The following SPTBN5 variants were observed in gnomAD, a reference collection of about 807,000 sequenced individuals.
The protein encoded by SPTBN5 is spectrin beta chain, non-erythrocytic 5.
SPTBN5 carries 513 observed loss-of-function variants against 477.6 expected under a neutral mutation model. That is an observed-to-expected ratio of 1.07 (90% confidence interval 1.00 to 1.16). SPTBN5 has a LOEUF of 1.16. Ranked by LOEUF, SPTBN5 falls within the 50% of genes most tolerant of loss-of-function variation. The pLI is 0.00. For missense variants in SPTBN5, 5,062 were observed against 4,731.8 expected, an observed-to-expected ratio of 1.07 and a Z score of -2.05; for synonymous variants, 2,169 against 2,011.7, an observed-to-expected ratio of 1.08 and a Z score of -2.09.
intron 18 of SPTBN5, 82 bp downstream of exon 18, chr15:41,877,034 C>G (rs1267297347): frequency 1.9e-6 from 3 of 1,593,192 alleles, no homozygotes; most frequent in Non-Finnish European, 2.6e-6. Context: ...GCCTCCTGCC[C>G]AGCCTGGCTT....
chr15:41,892,495 C>G (rs1231084206), intron 3 of SPTBN5, among the ~76,000 whole-genome samples: 1 of 152,194 alleles, frequency 6.6e-6, no homozygotes, highest in Non-Finnish European at 1.5e-5. Context: ...GTCTTAGTCC[C>G]ACATCTGGGC....
At position 41,862,200 on chromosome 15, in the gene SPTBN5, A is replaced by G; in HGVS notation, c.7478T>C (p.Met2493Thr). The G allele has an allele frequency of 1.2e-6, 2 of 1,611,152 alleles. No individual in the cohort carries two copies. Among genetic ancestry groups the G allele is most frequent in the South Asian group, 2.2e-5 (2 of 90,898 alleles). The part of the protein sequence containing the change: ...LVSAQRLRAQ[M>T]DTSPAPRSPV... The stretch of plus-strand genomic sequence containing the variant: ...GCTGCGAGGAGCGGGGCTCGTGTCC[A>G]TCTGAGCCCGCAGCCTCTGGGCGCT... Residue 2493 changes from methionine to threonine, a missense_variant, in exon 44 of 68, where the codon ATG becomes ACG. Physicochemically the swap from Met to Thr is moderately conservative, Grantham distance 81. Transcript: ENST00000320955.
chr15:41,850,518 C>G (rs1256593938), intron 66 of SPTBN5: 2 of 325,254 alleles, frequency 6.1e-6, no homozygotes, highest in Non-Finnish European at 1.1e-5. Flanking sequence ...AGAACAGAGC[C>G]TGGAAAGCCC....
chr15:41,885,149 G>A (rs1350387294), intron 7 of SPTBN5, among the ~76,000 whole-genome samples: 1 of 151,972 alleles, frequency 6.6e-6, no homozygotes, highest in Non-Finnish European at 1.5e-5. Context: ...TCAGCCTCCC[G>A]AGTAGCTGAG....
rs141589783 is a variant in SPTBN5, at chr15:41,855,524, C to A, written c.9218+25G>T. On this transcript the variant is annotated intron_variant, in intron 54 of 67. Transcript: ENST00000320955. ...TGTAGGGGGCTTCTCTCTGCTCCTT[C>A]GCGGATGGTGTGGCTTCCGCCCACC... is the stretch of plus-strand genomic sequence containing the variant. 167 of 1,603,878 alleles carry A rather than the reference C, an allele frequency of 1.0e-4. No homozygotes were observed. The East Asian group carries it at 3.7e-3, about 35-fold the overall frequency.
chr15:41,892,962 T>G lies in SPTBN5; in HGVS notation c.316A>C (p.Ser106Arg), dbSNP rs2067358556. 1 of 1,609,158 alleles carries G rather than the reference T, an allele frequency of 6.2e-7. No homozygotes were observed. The highest frequency in any genetic ancestry group is 1.7e-5 in the Admixed American group (1 of 60,002). Residue 106 changes from serine (S) to arginine (R), a missense_variant, in exon 3 of 68, where the codon AGC becomes CGC. Transcript: ENST00000320955. The stretch of plus-strand genomic sequence containing the variant: ...AAGTGCACACGCAGGCGGCCCCGGC[T>G]CGGGGGTGGCAGGGCCTCCCCTGAG... The part of the protein sequence containing the change: ...LISGEALPPP[S>R]RGRLRVHFLE...
Position 41,861,782 on chromosome 15 carries a change from C to T in SPTBN5, c.7690G>A (p.Ala2564Thr). Residue 2564 changes from alanine (A) to threonine (T), a missense_variant, in exon 45 of 68, where the codon GCC (alanine) becomes ACC (threonine). Coordinates refer to ENST00000320955, the MANE Select transcript of SPTBN5 (RefSeq NM_016642.4). The stretch of plus-strand genomic sequence containing the variant: ...AGCTGTAGCTGATGCTCCTGCCAGG[C>T]CCCTTCCAGGCTGCTCAGCTCCTGT... ...LEQELSSLEG[A>T]WQEHQLQLQQ... The T allele has an allele frequency of 3.2e-6, 5 of 1,560,392 alleles. No individual in the cohort carries two copies. Among genetic ancestry groups the T allele is most frequent in the Non-Finnish European group, 4.3e-6 (5 of 1,156,616 alleles).
At chr15:41,881,885 G>A (rs2140959729) in intron 12 of SPTBN5, 51 bp downstream of exon 12, 1 of 1,474,014 alleles carries the variant, frequency 6.8e-7, no homozygotes, top group Non-Finnish European at 9.0e-7. Context: ...GTGTGGCCCA[G>A]CCGCGGTGGA....
At chr15:41,861,144 G>A (rs565004401) in intron 46 of SPTBN5, among the ~76,000 whole-genome samples, 4 of 152,368 alleles carry the variant, frequency 2.6e-5, no homozygotes, top group South Asian at 2.1e-4. Context: ...TTTGGGAAGC[G>A]AGGAGGGCAG....
Position 41,875,019 on chromosome 15 carries a change from AG to A in SPTBN5, c.4324del (p.Leu1442TyrfsTer87). 6.2e-7 allele frequency: 1 copy of A among 1,613,450 alleles called. No homozygotes were observed. Among genetic ancestry groups the A allele is most frequent in the South Asian group, 1.1e-5 (1 of 91,040 alleles). ...GTCCTGCCCTGTTTCCGAGCTCTGT[AG>A]GGCCCCTTCGAGCTGCTCCAGCTGC... Reference protein sequence around the residue: ...KEQLEQLEGALQSSETGQDLR... With the variant: ...KEQLEQLEGAXQSSETGQDLR... On this transcript the variant is annotated frameshift_variant, in exon 23 of 68. Coordinates refer to ENST00000320955, the MANE Select transcript of SPTBN5 (RefSeq NM_016642.4). LOFTEE classifies it high-confidence loss of function.
intron 64 of SPTBN5, 31 bp downstream of exon 64, chr15:41,851,252 A>C: frequency 2.6e-6 from 4 of 1,552,532 alleles, no homozygotes; most frequent in Non-Finnish European, 3.5e-6. Flanking sequence ...CAGCACCCTG[A>C]TGTCTGCATC....
chr15:41,851,724 T>G, intron 63 of SPTBN5, 55 bp downstream of exon 63: 12 of 1,396,234 alleles, frequency 8.6e-6, no homozygotes, highest in Non-Finnish European at 1.2e-5. Flanking sequence ...TTCGAGCCAC[T>G]CAAGTGCTGC....
intron 7 of SPTBN5, among the ~76,000 whole-genome samples, chr15:41,884,756 G>A (rs1335909055): frequency 1.3e-5 from 2 of 151,938 alleles, no homozygotes; most frequent in Middle Eastern, 3.2e-3. Flanking sequence ...TCCCTACCTC[G>A]TCACCCCTGT....
chr15:41,866,679 G>A (rs2066327973), intron 36 of SPTBN5, 186 bp from the exon 37 acceptor site: 1 of 780,552 alleles, frequency 1.3e-6, no homozygotes, highest in African/African-American at 1.8e-5. Flanking sequence ...AGGGCCTTGG[G>A]TGGGCTCTCG....
chr15:41,853,306 C>CCG lies in SPTBN5; in HGVS notation c.10120_10121dup (p.Gln3375GlyfsTer18). ...TGTCCACCAGCTGCTGTCCTTCCTG[C>CCG]CGCAGGTCCTGGGCTTGAAGGCGGC... On this transcript the variant is annotated frameshift_variant, in exon 59 of 68. Coordinates refer to ENST00000320955, the MANE Select transcript of SPTBN5 (RefSeq NM_016642.4). LOFTEE classifies it high-confidence loss of function. 1 of 1,611,994 alleles carries CCG rather than the reference C, an allele frequency of 6.2e-7. No individual in the cohort carries two copies. The highest frequency in any genetic ancestry group is 8.5e-7 in the Non-Finnish European group (1 of 1,178,860).
chr15:41,863,626 T>C, intron 41 of SPTBN5, 78 bp downstream of exon 41: 2 of 1,152,422 alleles, frequency 1.7e-6, no homozygotes, highest in Middle Eastern at 2.1e-4. Flanking sequence ...GGGAGACGCA[T>C]GGGAGACTCT....
intron 41 of SPTBN5, 21 bp downstream of exon 41, chr15:41,863,683 G>A (rs2066197270): frequency 6.3e-7 from 1 of 1,598,200 alleles, no homozygotes; most frequent in Non-Finnish European, 8.6e-7. Context: ...GCCCCCACCG[G>A]GACCTCTTTC....
At chr15:41,867,767 GGAGCTGT>G (rs1056332078) in intron 34 of SPTBN5, 125 bp from the exon 35 acceptor site, 2 of 924,474 alleles carry the variant, frequency 2.2e-6, no homozygotes, top group Non-Finnish European at 3.5e-6. Context: ...AGCTTGGCAT[GGAGCTGT>G]GAGGAGTGGG....
intron 61 of SPTBN5, 43 bp downstream of exon 61, chr15:41,852,591 G>C (rs1344155079): frequency 1.9e-6 from 3 of 1,585,008 alleles, no homozygotes; most frequent in East Asian, 4.5e-5. Flanking sequence ...GAGAGGGACT[G>C]TTCCCCCACC....
Sources: gnomAD v4.1 joint callset for allele counts (sites outside exome capture counted in the v4.1 genomes callset) on GRCh38, gnomAD v4.1.1 for gene constraint, MANE v1.5 for transcripts, NCBI Gene and HGNC (gene_info 2026-07-23, HGNC 2026-07-21) for gene names.